Variants in NRXN3 observed in about 807,000 individuals in gnomAD.
The protein encoded by NRXN3 is neurexin III.
NRXN3 carries 32 observed loss-of-function variants against 137.6 expected under a neutral mutation model. That is an observed-to-expected ratio of 0.23 (90% CI 0.18 to 0.31). The LOEUF is 0.31. NRXN3 is among the 10% of genes least tolerant of loss of function. The pLI, the probability that NRXN3 is intolerant of heterozygous loss-of-function variation, is 1.00. For synonymous variants in NRXN3, 798 were observed against 784.5 expected, an observed-to-expected ratio of 1.02 and a Z score of -0.29; for missense variants, 1,574 against 2,062.5, an observed-to-expected ratio of 0.76 and a Z score of 4.59.
At chr14:79,293,750 T>C (rs1334329894) in intron 15 of NRXN3, among the ~76,000 whole-genome samples, 1 of 152,206 alleles carries the variant, frequency 6.6e-6, no homozygotes, top group Non-Finnish European at 1.5e-5. Flanking sequence ...TCCCACTCCG[T>C]GTCAGGCATG....
chr14:79,071,189 A>C (rs1377099312), intron 15 of NRXN3, among the ~76,000 whole-genome samples: 1 of 149,794 alleles, frequency 6.7e-6, no homozygotes, highest in African/African-American at 2.4e-5. Context: ...ACAGAGCTTG[A>C]TTGTTCTAAT....
intron 15 of NRXN3, among the ~76,000 whole-genome samples, chr14:79,122,072 C>T (rs13379188): frequency 0.043 from 6,515 of 152,202 alleles, 516 homozygotes; most frequent in African/African-American, 0.15. Flanking sequence ...TATTCCACTG[C>T]GGCTCTTTTT....
chr14:79,021,093 G>A (rs867811380), intron 15 of NRXN3, among the ~76,000 whole-genome samples: 1 of 152,096 alleles, frequency 6.6e-6, no homozygotes, highest in Non-Finnish European at 1.5e-5. Context: ...TACTTTTATA[G>A]ACATATGCTC....
intron 4 of NRXN3, among the ~76,000 whole-genome samples, chr14:78,317,712 G>T (rs893593270): frequency 6.6e-6 from 1 of 152,122 alleles, no homozygotes; most frequent in Non-Finnish European, 1.5e-5. Context: ...GACACACTCA[G>T]AACAATGTTT....
At chr14:79,710,634 G>GAGAT (rs1370710301) in intron 19 of NRXN3, among the ~76,000 whole-genome samples, 17 of 152,220 alleles carry the variant, frequency 1.1e-4, no homozygotes, top group Non-Finnish European at 2.4e-4. Context: ...ATGAGGGCAT[G>GAGAT]AGATATATAA....
intron 16 of NRXN3, among the ~76,000 whole-genome samples, chr14:79,520,641 A>G (rs1176009750): frequency 1.3e-5 from 2 of 152,214 alleles, no homozygotes; most frequent in Non-Finnish European, 2.9e-5. Flanking sequence ...ATGCCTGCAT[A>G]GTATTCCATG....
Position 78,318,367 on chromosome 14 carries a change from C to T in NRXN3, c.757+20507C>T, listed in dbSNP as rs1292627682. ...GAAACTGCTCTGATGGCATCCTTTC[C>T]TTCTGCCTTGATCTCAGGCCTCCAC... is the stretch of plus-strand genomic sequence containing the variant. On this transcript the variant is annotated intron_variant, in intron 4 of 20. Transcript: ENST00000335750. Among the ~76,000 whole-genome samples, 5 of 152,284 alleles carry T rather than the reference C, an allele frequency of 3.3e-5. No individual in the cohort carries two copies. The East Asian group carries it at 7.7e-4, about 24-fold the overall frequency.
chr14:79,197,555 CTTT>C (rs34453011), intron 15 of NRXN3, among the ~76,000 whole-genome samples: 2 of 146,928 alleles, frequency 1.4e-5, no homozygotes, highest in Non-Finnish European at 3.0e-5. Context: ...TCTGTAATTT[CTTT>C]TTTTTTTTAA....
At position 78,702,595 on chromosome 14, in the gene NRXN3, G is replaced by A. The variant is rs140865483; in HGVS notation, c.1222-6622G>A. Among the ~76,000 whole-genome samples the A allele has an allele frequency of 3.0e-3, 457 of 151,706 alleles. 2 individuals carry two copies. The highest frequency in any genetic ancestry group is 0.01 in the African/African-American group (431 of 41,402). ...GAGTAGCTGGGATTACAGGCATACC[G>A]CACCATACCTGCTAATTTCTGTATT... On this transcript the variant is annotated intron_variant, in intron 6 of 20. Transcript: ENST00000335750.
At position 78,243,706 on chromosome 14, in the gene NRXN3, C is replaced by A; in HGVS notation, c.613C>A (p.Arg205Ser). ...GGATGCCGAGGGACCCTGTGGTGAG[C>A]GTCCCTGTGAAAATGGTGGGATCTG... ...QMDAEGPCGE[R>S]PCENGGICFL... The change falls in exon 2 of 21, where the codon CGT becomes AGT. Residue 205 changes from arginine (R) to serine (S), a missense_variant. Physicochemically the swap from Arg to Ser is moderately radical, Grantham distance 110. This residue lies in a region of NRXN3 where 400 missense variants were observed against 527.3 expected (regional missense o/e 0.76). Coordinates refer to ENST00000335750, the MANE Select transcript of NRXN3 (RefSeq NM_001330195.2). The surrounding 1 kb of genome is among the most constrained non-coding windows in gnomAD (Gnocchi z 4.2). The A allele has an allele frequency of 6.3e-7, 1 of 1,598,312 alleles. No individual in the cohort carries two copies. The highest frequency in any genetic ancestry group is 8.5e-7 in the Non-Finnish European group (1 of 1,179,752).
chr14:79,208,546 A>G (rs1318059126), intron 15 of NRXN3, among the ~76,000 whole-genome samples: 1 of 152,120 alleles, frequency 6.6e-6, no homozygotes, highest in Non-Finnish European at 1.5e-5. Context: ...ATTCATCTAA[A>G]CTTTTATTTT....
rs56772228 is a variant in NRXN3 at position 78,287,674 on chromosome 14, T to G, written c.727+9012T>G. On this transcript the variant is annotated intron_variant, in intron 3 of 20. Transcript: ENST00000335750. Reference sequence around the variant, plus strand: ...AGCTCTTTCTTATCTCTAGTTGCTATAGCCTCCACCACCTGTATGGCTTCC... The same window carrying G: ...AGCTCTTTCTTATCTCTAGTTGCTAGAGCCTCCACCACCTGTATGGCTTCC... 1.9e-3 allele frequency among the ~76,000 whole-genome samples: 297 copies of G among 152,338 alleles called. 2 individuals carry two copies. The highest frequency in any genetic ancestry group is 6.9e-3 in the African/African-American group (286 of 41,580).
At chr14:78,794,905 T>C (rs1014136671) in intron 8 of NRXN3, among the ~76,000 whole-genome samples, 3 of 145,032 alleles carry the variant, frequency 2.1e-5, no homozygotes, top group African/African-American at 7.7e-5. Flanking sequence ...CAAAACCCTG[T>C]CTTTACAAAA....
chr14:79,230,896 A>AG (rs1295985881), intron 15 of NRXN3, among the ~76,000 whole-genome samples: 1 of 152,100 alleles, frequency 6.6e-6, no homozygotes, highest in Non-Finnish European at 1.5e-5. Flanking sequence ...AGAAAAAAAA[A>AG]CTGTCCTGCC....
intron 10 of NRXN3, among the ~76,000 whole-genome samples, chr14:78,922,382 G>A (rs570158477): frequency 6.6e-4 from 101 of 152,196 alleles, no homozygotes; most frequent in Admixed American, 1.8e-3. Flanking sequence ...TTGAATTATT[G>A]TTATAGTTTC....
intron 4 of NRXN3, among the ~76,000 whole-genome samples, chr14:78,437,259 T>A (rs2094099616): frequency 6.6e-6 from 1 of 152,216 alleles, no homozygotes; most frequent in Non-Finnish European, 1.5e-5. Context: ...GAGGGAGAGT[T>A]GGAATTCAAC....
intron 15 of NRXN3, among the ~76,000 whole-genome samples, chr14:79,155,783 G>A (rs771562235): frequency 6.6e-6 from 1 of 151,646 alleles, no homozygotes; most frequent in Non-Finnish European, 1.5e-5. Context: ...GAAATAAAGA[G>A]CAAAAGAAAA....
At chr14:79,119,417 G>A (rs556892289) in intron 15 of NRXN3, among the ~76,000 whole-genome samples, 1 of 152,114 alleles carries the variant, frequency 6.6e-6, no homozygotes, top group South Asian at 2.1e-4. Flanking sequence ...AAGTCTAAAT[G>A]TTTTCCTATA....
intron 20 of NRXN3, among the ~76,000 whole-genome samples, chr14:79,824,685 G>T (rs2099287242): frequency 6.6e-6 from 1 of 152,144 alleles, no homozygotes; most frequent in African/African-American, 2.4e-5. Flanking sequence ...CATTAGTAGT[G>T]ATTTCCTCAC....
Sources: allele counts gnomAD v4.1 joint callset (sites outside exome capture counted in the v4.1 genomes callset), GRCh38; gene constraint gnomAD v4.1.1; regional missense constraint gnomAD v4.1.1; non-coding constraint Gnocchi (gnomAD v3.1); transcripts MANE v1.5; gene names NCBI Gene and HGNC (gene_info 2026-07-23, HGNC 2026-07-21).